LIX1L: variants seen among roughly 807,000 people sequenced by gnomAD.
LIX1L encodes LIX1-like protein.
In LIX1L, 20 loss-of-function variants were observed where a neutral mutation model predicts 34.0. That is an observed-to-expected ratio of 0.59 (90% CI 0.41 to 0.85). The LOEUF (loss-of-function observed/expected upper bound fraction) is 0.85. Among genes scored for constraint, LIX1L ranks in the 40% least tolerant of loss-of-function variants. LIX1L has a pLI of 0.00. For synonymous variants in LIX1L, 170 were observed against 187.4 expected, an observed-to-expected ratio of 0.91 and a Z score of 0.76; for missense variants, 397 against 447.0, an observed-to-expected ratio of 0.89 and a Z score of 1.01.
chr1:145,946,444 G>A (rs1450150589), intron 2 of LIX1L, among the ~76,000 whole-genome samples: 1 of 151,974 alleles, frequency 6.6e-6, no homozygotes, highest in East Asian at 1.9e-4. Flanking sequence ...TGATCCACCC[G>A]CCTCGGCCTC....
At chr1:145,947,132 A>C (rs1553759339) in intron 2 of LIX1L, 1 of 153,944 alleles carries the variant, frequency 6.5e-6, no homozygotes, top group Non-Finnish European at 1.4e-5. Context: ...TGCCCCATTG[A>C]TATTCAGAAG....
chr1:145,956,418 T>C (rs1553760355), intron 1 of LIX1L, among the ~76,000 whole-genome samples: 1 of 152,214 alleles, frequency 6.6e-6, no homozygotes, highest in Non-Finnish European at 1.5e-5. Flanking sequence ...TTTTAGGTTA[T>C]ATGTCATTTG....
At position 145,937,617 on chromosome 1, in the gene LIX1L, A is replaced by G. The variant is rs782516628; in HGVS notation, c.680T>C (p.Met227Thr). Residue 227 changes from methionine to threonine, a missense_variant, in exon 4 of 6, where the codon ATG becomes ACG. By Grantham distance (81) the Met-to-Thr change is moderately conservative (BLOSUM62 -1). Coordinates refer to ENST00000604000, the MANE Select transcript of LIX1L (RefSeq NM_153713.3). ...ATGGGAAAGTACCTGGAACTCCAAC[A>G]TTGATTTGCCCTTGTTGGATTCCAG... is the stretch of plus-strand genomic sequence containing the variant. ...FMLESNKGKS[M>T]LEFQELMTVF... The G allele has an allele frequency of 2.5e-6, 4 of 1,612,498 alleles. No homozygotes were observed. In the South Asian group the frequency reaches 4.4e-5, roughly 18 times the overall value.
At chr1:145,937,384 CCT>C (rs1196656090) in intron 4 of LIX1L, 1 of 368,208 alleles carries the variant, frequency 2.7e-6, no homozygotes, top group African/African-American at 2.1e-5. Context: ...GTCTCAAACT[CCT>C]GGCCTCAAGT....
chr1:145,937,018 T>G, intron 4 of LIX1L, 33 bp from the exon 5 acceptor site: 5 of 1,464,500 alleles, frequency 3.4e-6, no homozygotes, highest in Non-Finnish European at 4.8e-6. Flanking sequence ...ACCAGGACAG[T>G]GATTTTTATA....
chr1:145,947,641 C>G lies in LIX1L; in HGVS notation c.434G>C (p.Gly145Ala), dbSNP rs782340736. ...TACCTGGAAACTCCCAAAGCAGCTT[C>G]CCCCAGGCAGGGTGACATAGCAGAC... ...PYVCYVTLPG[G>A]SCFGSFQFCP... The change falls in exon 2 of 6, where the codon GGA (glycine) becomes GCA (alanine). Residue 145 changes from glycine (G) to alanine (A), a missense_variant. This residue lies in a region of LIX1L where 207 missense variants were observed against 205.2 expected (regional missense o/e 1.01). Coordinates refer to ENST00000604000, the MANE Select transcript of LIX1L (RefSeq NM_153713.3). 5.0e-6 allele frequency: 8 copies of G among 1,614,016 alleles called. No homozygotes were observed. The South Asian group carries it at 8.8e-5, about 18-fold the overall frequency.
At chr1:145,947,550 A>T in intron 2 of LIX1L, 69 bp downstream of exon 2, 1 of 1,530,864 alleles carries the variant, frequency 6.5e-7, no homozygotes, top group Non-Finnish European at 9.0e-7. Flanking sequence ...TTAATGGCCA[A>T]AGTGGTGGAG....
At chr1:145,953,929 C>T (rs2101908896) in intron 1 of LIX1L, among the ~76,000 whole-genome samples, 1 of 152,132 alleles carries the variant, frequency 6.6e-6, no homozygotes, top group East Asian at 1.9e-4. Flanking sequence ...TGGTGACATG[C>T]ACCTGTAGTC....
At position 145,957,930 on chromosome 1, in the gene LIX1L, C is replaced by G; in HGVS notation, c.-3G>C. Reference sequence around the variant, plus strand: ...CGCTGCGCTCGCATAGTCTCCATCCCGGCCGCCAATGGAGTAGCGCCCCGG... The same window carrying G: ...CGCTGCGCTCGCATAGTCTCCATCCGGGCCGCCAATGGAGTAGCGCCCCGG... On this transcript the variant is annotated 5_prime_UTR_variant, in exon 1 of 6. Coordinates refer to ENST00000604000, the MANE Select transcript of LIX1L (RefSeq NM_153713.3). 1 of 1,479,392 alleles carries G rather than the reference C, an allele frequency of 6.8e-7. No individual in the cohort carries two copies. The highest frequency in any genetic ancestry group is 8.9e-7 in the Non-Finnish European group (1 of 1,118,168). The allele number at this position is 1,479,392 out of a possible 1,614,324, so 91.6% of individuals were successfully genotyped here. A position where few individuals can be genotyped will look rare whatever the true frequency, so the allele number is the denominator to read the frequency against.
At chr1:145,937,860 G>A (rs1553758046) in intron 3 of LIX1L, among the ~76,000 whole-genome samples, 161 bp from the exon 4 acceptor site, 1 of 152,184 alleles carries the variant, frequency 6.6e-6, no homozygotes, top group Non-Finnish European at 1.5e-5. Flanking sequence ...AGGTGCAGTG[G>A]CTCATGCCTG....
chr1:145,937,712 G>C lies in LIX1L; in HGVS notation c.598-13C>G. ...CCTCCCTGTTGCCCTGGTAGTAGAG[G>C]AACAGAAAAGACAAATAGATTTTCA... On this transcript the variant is annotated splice_polypyrimidine_tract_variant and intron_variant, in intron 3 of 5. Transcript: ENST00000604000. The C allele has an allele frequency of 6.8e-7, 1 of 1,475,982 alleles. No homozygotes were observed. The allele number at this position is 1,475,982 out of a possible 1,614,324, so 91.4% of individuals were successfully genotyped here. A position where few individuals can be genotyped will look rare whatever the true frequency, so the allele number is the denominator to read the frequency against.
intron 3 of LIX1L, chr1:145,941,057 TTTTTC>T (rs1246497693): frequency 1.3e-5 from 2 of 152,120 alleles, no homozygotes; most frequent in African/African-American, 4.8e-5. Flanking sequence ...TTTAGCTGGC[TTTTTC>T]TTTTTTTATT....
intron 1 of LIX1L, among the ~76,000 whole-genome samples, chr1:145,953,245 C>A (rs1553760015): frequency 6.6e-6 from 1 of 151,884 alleles, no homozygotes; most frequent in Non-Finnish European, 1.5e-5. Context: ...ATATATGAAA[C>A]TACAGTAAAA....
Position 145,957,950 on chromosome 1 carries a change from C to T in LIX1L, c.-23G>A. 5 of 1,431,338 alleles carry T rather than the reference C, an allele frequency of 3.5e-6. No individual in the cohort carries two copies. The highest frequency in any genetic ancestry group is 4.6e-6 in the Non-Finnish European group (5 of 1,088,812). 88.7% of individuals were successfully genotyped at this position (1,431,338 alleles called of 1,614,324 possible). ...CATCCCGGCCGCCAATGGAGTAGCG[C>T]CCCGGAGCCTGCCAGCCTGCCGAGC... On this transcript the variant is annotated 5_prime_UTR_variant, in exon 1 of 6. Coordinates refer to ENST00000604000, the MANE Select transcript of LIX1L (RefSeq NM_153713.3).
intron 3 of LIX1L, among the ~76,000 whole-genome samples, chr1:145,939,638 C>CTTTTTTTT (rs587705670): frequency 7.5e-6 from 1 of 132,760 alleles, no homozygotes; most frequent in East Asian, 2.1e-4. Flanking sequence ...TTTTCTTTTT[C>CTTTTTTTT]TTTTTTTTTT....
At position 145,934,132 on chromosome 1, in the gene LIX1L, T is replaced by C. The variant is rs1019674843; in HGVS notation, c.*2178A>G. On this transcript the variant is annotated 3_prime_UTR_variant, in exon 6 of 6. Transcript: ENST00000604000. ...GAAAGTACATGGGACAATAATATAG[T>C]ATAAATAAGAGATCACAGAGACAAG... is the stretch of plus-strand genomic sequence containing the variant. 9.2e-5 allele frequency: 14 copies of C among 151,846 alleles called. No individual in the cohort carries two copies. The highest frequency in any genetic ancestry group is 1.6e-4 in the Non-Finnish European group (11 of 68,040). The allele number at this position is 151,846 out of a possible 1,614,324, so 9.4% of individuals were successfully genotyped here.
intron 1 of LIX1L, 149 bp downstream of exon 1, chr1:145,957,487 G>C (rs587691506): frequency 2.5e-4 from 278 of 1,127,652 alleles, no homozygotes; most frequent in Non-Finnish European, 2.8e-4. Flanking sequence ...ATGAGTGTGT[G>C]CGTCTGTGCG....
chr1:145,945,297 T>C (rs1649058721), intron 2 of LIX1L, among the ~76,000 whole-genome samples: 1 of 54,726 alleles, frequency 1.8e-5, no homozygotes, highest in African/African-American at 8.4e-5. Flanking sequence ...CAAGACTCTG[T>C]CTCAAAAAAA....
intron 1 of LIX1L, among the ~76,000 whole-genome samples, chr1:145,951,936 G>T (rs587629706): frequency 1.3e-5 from 2 of 152,342 alleles, no homozygotes; most frequent in South Asian, 4.1e-4. Flanking sequence ...GGGGAGTCTT[G>T]ATTTTAGAAA....
Sources: allele counts gnomAD v4.1 joint callset (sites outside exome capture counted in the v4.1 genomes callset), GRCh38; gene constraint gnomAD v4.1.1; regional missense constraint gnomAD v4.1.1; transcripts MANE v1.5; gene names NCBI Gene and HGNC (gene_info 2026-07-23, HGNC 2026-07-21).